The following PTCHD4 variants were observed in gnomAD, a reference collection of about 807,000 sequenced individuals.
The protein encoded by PTCHD4 is patched domain-containing protein 4.
In PTCHD4, 33 loss-of-function variants were observed where a neutral mutation model predicts 58.1. The ratio of observed to expected loss-of-function variants is 0.57; its 90% CI spans 0.43 to 0.76. The LOEUF (loss-of-function observed/expected upper bound fraction) is 0.76. Among genes scored for constraint, PTCHD4 ranks in the 30% least tolerant of loss-of-function variants. The pLI, the probability that PTCHD4 is intolerant of heterozygous loss-of-function variation, is 0.00. For missense variants in PTCHD4, 1,058 were observed against 1,027.1 expected (o/e 1.03, Z -0.41); for synonymous variants, 478 against 409.6 (o/e 1.17, Z -2.02).
At chr6:47,996,243 C>A (rs892275135) in intron 4 of PTCHD4, among the ~76,000 whole-genome samples, 1 of 151,954 alleles carries the variant, frequency 6.6e-6, no homozygotes, top group Non-Finnish European at 1.5e-5. Context: ...CTGAGGCGAG[C>A]GGATCACTTG....
At chr6:48,080,615 A>G (rs941538339) in intron 1 of PTCHD4, among the ~76,000 whole-genome samples, 1 of 152,184 alleles carries the variant, frequency 6.6e-6, no homozygotes, top group Non-Finnish European at 1.5e-5. Context: ...CTGACACATA[A>G]TCACATAATA....
At chr6:48,099,117 A>C (rs1447165652) in intron 1 of PTCHD4, among the ~76,000 whole-genome samples, 1 of 152,222 alleles carries the variant, frequency 6.6e-6, no homozygotes, top group Non-Finnish European at 1.5e-5. Context: ...CCTTCCTGGC[A>C]GTAATGAGGT....
At position 48,008,717 on chromosome 6, in the gene PTCHD4, G is replaced by C; in HGVS notation, c.815C>G (p.Ser272Cys). 6.2e-7 allele frequency: 1 copy of C among 1,613,884 alleles called. No individual in the cohort carries two copies. Among genetic ancestry groups the C allele is most frequent in the Non-Finnish European group, 8.5e-7 (1 of 1,179,880 alleles). ...GAAGATCCCTGCTGCTGTGATGATG[G>C]AGATGCATACTGTGAGCACCCCCAG... ...GLLGVLTVCI[S>C]IITAAGIFFI... is the part of the protein sequence containing the mutation. Residue 272 changes from serine (S) to cysteine (C), a missense_variant, in exon 4 of 5, where the codon TCC (serine) becomes TGC (cysteine). Ser to Cys is a moderately radical substitution (Grantham distance 112). Transcript: ENST00000339488.
intron 1 of PTCHD4, among the ~76,000 whole-genome samples, chr6:48,075,706 T>C (rs1302820596): frequency 1.3e-5 from 2 of 152,212 alleles, no homozygotes; most frequent in Non-Finnish European, 2.9e-5. Flanking sequence ...CCATAGCCTG[T>C]TAGTTGTCAA....
At chr6:48,086,763 G>A (rs1338675759) in intron 1 of PTCHD4, among the ~76,000 whole-genome samples, 1 of 152,200 alleles carries the variant, frequency 6.6e-6, no homozygotes, top group Admixed American at 6.5e-5. Flanking sequence ...GTGAGTATGT[G>A]TATCAAGGAA....
In PTCHD4 at chr6:47,874,709, A is replaced by G. The variant is rs190243856; in HGVS notation, c.*3594T>C. ...AAAAACCTAAATTCTGTGGAAATAA[A>G]TGGGAATCAAATAGGAAAGGGCCAC... On this transcript the variant is annotated 3_prime_UTR_variant, in exon 5 of 5. Transcript: ENST00000339488. Among the ~76,000 whole-genome samples, 3 of 151,104 alleles carry G rather than the reference A, an allele frequency of 2.0e-5. No homozygotes were observed. The highest frequency in any genetic ancestry group is 4.0e-4 in the East Asian group (2 of 5,060).
intron 3 of PTCHD4, among the ~76,000 whole-genome samples, chr6:48,024,741 G>C (rs927987225): frequency 6.6e-6 from 1 of 152,024 alleles, no homozygotes; most frequent in African/African-American, 2.4e-5. Context: ...GAAGCTTTGT[G>C]GCGTTCTCTG....
Position 48,024,007 on chromosome 6 carries a change from C to T in PTCHD4, c.418-14893G>A, listed in dbSNP as rs562831716. On this transcript the variant is annotated intron_variant, in intron 3 of 4. Coordinates refer to ENST00000339488, the MANE Select transcript of PTCHD4 (RefSeq NM_001384253.1). Reference sequence around the variant, plus strand: ...GTTTGAATGCTGACTTGAGCACTTACGACTGCTGTGACCTTGCAAAATTAC... The same window carrying T: ...GTTTGAATGCTGACTTGAGCACTTATGACTGCTGTGACCTTGCAAAATTAC... 1.1e-4 allele frequency among the ~76,000 whole-genome samples: 17 copies of T among 152,224 alleles called. No individual in the cohort carries two copies. In the South Asian group the frequency reaches 1.2e-3, roughly 11 times the overall value.
chr6:47,862,079 A>G lies in PTCHD4; in HGVS notation c.*16224T>C, dbSNP rs1322990129. On this transcript the variant is annotated 3_prime_UTR_variant, in exon 5 of 5. Coordinates refer to ENST00000339488, the MANE Select transcript of PTCHD4 (RefSeq NM_001384253.1). ...TAATACAAAAAGAAAATCTATTGGA[A>G]CATTTGGTAAGAGATATTTGACTTA... Among the ~76,000 whole-genome samples, 12 of 151,924 alleles carry G rather than the reference A, an allele frequency of 7.9e-5. No individual in the cohort carries two copies. The highest frequency in any genetic ancestry group is 2.0e-4 in the Admixed American group (3 of 15,224).
In PTCHD4 at chr6:47,869,765, T is replaced by C. The variant is rs546171193; in HGVS notation, c.*8538A>G. Reference sequence around the variant, plus strand: ...ATAAGTTTTAGAACTTGTGATTCAATAAAATACTAAAAAAACATAGATTAT... The same window carrying C: ...ATAAGTTTTAGAACTTGTGATTCAACAAAATACTAAAAAAACATAGATTAT... On this transcript the variant is annotated 3_prime_UTR_variant, in exon 5 of 5. Coordinates refer to ENST00000339488, the MANE Select transcript of PTCHD4 (RefSeq NM_001384253.1). Among the ~76,000 whole-genome samples, 2 of 151,786 alleles carry C rather than the reference T, an allele frequency of 1.3e-5. No homozygotes were observed. The highest frequency in any genetic ancestry group is 2.4e-5 in the African/African-American group (1 of 41,510).
chr6:48,076,171 A>C (rs1305598619), intron 1 of PTCHD4, among the ~76,000 whole-genome samples: 1 of 152,224 alleles, frequency 6.6e-6, no homozygotes, highest in Non-Finnish European at 1.5e-5. Context: ...CATCTATAGG[A>C]AACAACTCTT....
At chr6:47,936,752 T>C (rs371813736) in intron 4 of PTCHD4, among the ~76,000 whole-genome samples, 34 of 152,294 alleles carry the variant, frequency 2.2e-4, no homozygotes, top group African/African-American at 8.2e-4. Flanking sequence ...TTTTACAGTT[T>C]ACATTCTAAT....
In PTCHD4 at chr6:47,860,972, A is replaced by G. The variant is rs1167439083; in HGVS notation, c.*17331T>C. ...CTAAGAAACAGAGTTGATGTGCTCC[A>G]TGCTGAGGTCGAATGAAGAAGATAG... On this transcript the variant is annotated 3_prime_UTR_variant, in exon 5 of 5. Transcript: ENST00000339488. Among the ~76,000 whole-genome samples the G allele has an allele frequency of 6.6e-6, 1 of 152,018 alleles. No individual in the cohort carries two copies. The highest frequency in any genetic ancestry group is 1.5e-5 in the Non-Finnish European group (1 of 67,942).
At chr6:47,911,726 A>G (rs1765076959) in intron 4 of PTCHD4, among the ~76,000 whole-genome samples, 1 of 152,084 alleles carries the variant, frequency 6.6e-6, no homozygotes, top group Admixed American at 6.6e-5. Context: ...TAGAGTAGAC[A>G]TCTACATTCT....
intron 3 of PTCHD4, among the ~76,000 whole-genome samples, chr6:48,015,583 G>T (rs1267256710): frequency 6.6e-6 from 1 of 151,798 alleles, no homozygotes; most frequent in Non-Finnish European, 1.5e-5. Flanking sequence ...CTTCTGCCAA[G>T]ACTACTTCCT....
At chr6:48,075,638 G>A (rs901828651) in intron 1 of PTCHD4, among the ~76,000 whole-genome samples, 7 of 152,078 alleles carry the variant, frequency 4.6e-5, no homozygotes, top group Non-Finnish European at 1.0e-4. Flanking sequence ...TTGCAATAAA[G>A]CAAGTCACAC....
intron 4 of PTCHD4, among the ~76,000 whole-genome samples, chr6:47,887,930 T>C (rs1011634081): frequency 6.6e-6 from 1 of 152,136 alleles, no homozygotes; most frequent in Non-Finnish European, 1.5e-5. Context: ...GCCAGGGACA[T>C]GTATGATGGT....
At chr6:48,034,375 A>G (rs1763555456) in intron 3 of PTCHD4, among the ~76,000 whole-genome samples, 1 of 152,124 alleles carries the variant, frequency 6.6e-6, no homozygotes, top group African/African-American at 2.4e-5. Context: ...GTGGTTGTTC[A>G]GGTCGAACCT....
At chr6:47,977,041 T>C (rs1164492837) in intron 4 of PTCHD4, among the ~76,000 whole-genome samples, 1 of 152,150 alleles carries the variant, frequency 6.6e-6, no homozygotes, top group Non-Finnish European at 1.5e-5. Context: ...ATTTCACTTT[T>C]GGGAGTTTAT....
Sources: gnomAD v4.1 joint callset for allele counts (sites outside exome capture counted in the v4.1 genomes callset) on GRCh38, gnomAD v4.1.1 for gene constraint, MANE v1.5 for transcripts, NCBI Gene and HGNC (gene_info 2026-07-23, HGNC 2026-07-21) for gene names.